NRIP1: variants seen among roughly 807,000 people sequenced by gnomAD.
NRIP1 encodes the protein nuclear receptor-interacting protein 1.
A neutral mutation model predicts 75.0 loss-of-function variants in NRIP1; 28 were observed. The observed-to-expected ratio is 0.37, with a 90% CI of 0.28 to 0.51. The LOEUF (loss-of-function observed/expected upper bound fraction) is 0.51. Among genes scored for constraint, NRIP1 ranks in the 20% least tolerant of loss-of-function variants. The probability of loss-of-function intolerance (pLI) is 0.92; values close to 1 mark genes in which losing one functional copy is unlikely to be tolerated. For synonymous variants in NRIP1, 526 were observed against 487.6 expected, an observed-to-expected ratio of 1.08 and a Z score of -1.04; for missense variants, 1,435 against 1,343.7, an observed-to-expected ratio of 1.07 and a Z score of -1.06.
Position 14,965,153 on chromosome 21 carries a change from A to T in NRIP1, c.3040T>A (p.Phe1014Ile). Residue 1014 changes from phenylalanine to isoleucine, a missense_variant, in exon 4 of 4, where the codon TTC becomes ATC. By Grantham distance (21) the Phe-to-Ile change is conservative. Transcript: ENST00000318948. ...CCTGCACAGCCCAAGTGCTCAGGGA[A>T]AGTAGGACTCACAGGAGTTTTTACT... ...GVVKTPVSPTFPEHLGCAGSR... is the reference protein window; with the variant it reads ...GVVKTPVSPTIPEHLGCAGSR... 6.2e-7 allele frequency: 1 copy of T among 1,613,136 alleles called. No individual in the cohort carries two copies. Among genetic ancestry groups the T allele is most frequent in the East Asian group, 2.2e-5 (1 of 44,868 alleles).
In NRIP1 at chr21:14,962,037, AT is replaced by A. The variant is rs2086605977; in HGVS notation, c.*2678del. ...ATATTATATATATATATATATATAT[AT>A]ATATAAAATATATACTCTCACCAGT... On this transcript the variant is annotated 3_prime_UTR_variant, in exon 4 of 4. Transcript: ENST00000318948. The A allele has an allele frequency of 4.8e-5, 7 of 145,422 alleles. No homozygotes were observed. Among genetic ancestry groups the A allele is most frequent in the East Asian group, 2.0e-4 (1 of 5,044 alleles). 9.0% of individuals were successfully genotyped at this position (145,422 alleles called of 1,614,324 possible).
chr21:15,006,980 A>G (rs2087988332), intron 3 of NRIP1, among the ~76,000 whole-genome samples: 1 of 152,204 alleles, frequency 6.6e-6, no homozygotes, highest in African/African-American at 2.4e-5. Flanking sequence ...AGTAAGGGCT[A>G]GCCAGGCAGA....
intron 3 of NRIP1, among the ~76,000 whole-genome samples, chr21:14,972,780 A>G (rs1310626108): frequency 6.6e-6 from 1 of 152,216 alleles, no homozygotes; most frequent in African/African-American, 2.4e-5. Context: ...ATCAGGCATT[A>G]GATTCTTATA....
chr21:14,980,329 G>T (rs538480328), intron 3 of NRIP1, among the ~76,000 whole-genome samples: 97 of 151,876 alleles, frequency 6.4e-4, no homozygotes, highest in African/African-American at 2.3e-3. Flanking sequence ...CAAAAATTAG[G>T]TGGACACAGT....
intron 3 of NRIP1, among the ~76,000 whole-genome samples, chr21:14,969,330 C>T (rs1233531855): frequency 6.6e-6 from 1 of 152,124 alleles, no homozygotes; most frequent in African/African-American, 2.4e-5. Flanking sequence ...AATGTCAGGT[C>T]CATTCCTTAC....
At chr21:15,030,849 GA>G (rs2088633772) in intron 2 of NRIP1, among the ~76,000 whole-genome samples, 3 of 148,116 alleles carry the variant, frequency 2.0e-5, no homozygotes, top group African/African-American at 7.3e-5. Flanking sequence ...GCGGTTGGAG[GA>G]TCACTACCTT....
intron 3 of NRIP1, among the ~76,000 whole-genome samples, chr21:14,980,020 G>A (rs2087187625): frequency 6.6e-6 from 1 of 151,866 alleles, no homozygotes; most frequent in Admixed American, 6.6e-5. Context: ...CAATGCCTTG[G>A]GTCACTTGTT....
chr21:15,026,138 C>T (rs970299892), intron 2 of NRIP1, among the ~76,000 whole-genome samples: 4 of 152,006 alleles, frequency 2.6e-5, no homozygotes, highest in Admixed American at 6.6e-5. Flanking sequence ...CTGTATTGTA[C>T]GTGTAACTTT....
intron 1 of NRIP1, among the ~76,000 whole-genome samples, chr21:15,047,457 G>A (rs376392141): frequency 2.6e-5 from 4 of 152,130 alleles, no homozygotes; most frequent in African/African-American, 9.7e-5. Flanking sequence ...GGAGAATGGC[G>A]TGAACCCAGG....
At chr21:15,009,858 A>G (rs2088061072) in intron 3 of NRIP1, among the ~76,000 whole-genome samples, 1 of 152,218 alleles carries the variant, frequency 6.6e-6, no homozygotes, top group Non-Finnish European at 1.5e-5. Context: ...CTTTTTAAAA[A>G]GACAATAAAA....
chr21:14,969,300 G>A (rs2086843107), intron 3 of NRIP1, among the ~76,000 whole-genome samples: 1 of 152,200 alleles, frequency 6.6e-6, no homozygotes, highest in South Asian at 2.1e-4. Flanking sequence ...CCTTACTCAT[G>A]TGCTCTATGG....
rs191486630 is a variant in NRIP1, at chr21:15,046,025, C to T, written c.-537-2451G>A. Among the ~76,000 whole-genome samples the T allele has an allele frequency of 4.6e-3, 563 of 123,126 alleles. 1 individual carries two copies. Among genetic ancestry groups the T allele is most frequent in the Admixed American group, 6.8e-3 (83 of 12,244 alleles). 80.8% of individuals were successfully genotyped at this position (123,126 alleles called of 152,430 possible). On this transcript the variant is annotated intron_variant, in intron 1 of 3. Transcript: ENST00000318948. ...ACTTCCTCCACTGATGTCTTCAACC[C>T]GCCAAAGTTATCCATAAGGGGTGGA...
rs1026382906 is a variant in NRIP1, at chr21:14,963,929, C to A, written c.*787G>T. The A allele has an allele frequency of 6.6e-6, 1 of 152,488 alleles. No individual in the cohort carries two copies. Among genetic ancestry groups the A allele is most frequent in the African/African-American group, 2.4e-5 (1 of 41,402 alleles). 9.4% of individuals were successfully genotyped at this position (152,488 alleles called of 1,614,324 possible). On this transcript the variant is annotated 3_prime_UTR_variant, in exon 4 of 4. Coordinates refer to ENST00000318948, the MANE Select transcript of NRIP1 (RefSeq NM_003489.4). The stretch of plus-strand genomic sequence containing the variant: ...CTTAAATATTCAACTTTTCAGGAAA[C>A]CACCTAAAGATAAATGTTAACTTTT...
At chr21:15,000,036 G>A (rs888906642) in intron 3 of NRIP1, among the ~76,000 whole-genome samples, 1 of 152,174 alleles carries the variant, frequency 6.6e-6, no homozygotes, top group Non-Finnish European at 1.5e-5. Flanking sequence ...CAACAACACA[G>A]TAGATCTGCA....
At chr21:15,063,154 C>A (rs1978474254) in intron 1 of NRIP1, among the ~76,000 whole-genome samples, 1 of 152,158 alleles carries the variant, frequency 6.6e-6, no homozygotes, top group South Asian at 2.1e-4. Flanking sequence ...ACCTGCAGGG[C>A]AGTAGCCGCT....
At chr21:15,008,075 T>C (rs2088015228) in intron 3 of NRIP1, among the ~76,000 whole-genome samples, 1 of 152,144 alleles carries the variant, frequency 6.6e-6, no homozygotes, top group East Asian at 1.9e-4. Context: ...TTGAAGAGCG[T>C]CGTCAGATAC....
chr21:15,021,988 C>A (rs1028224645), intron 2 of NRIP1, among the ~76,000 whole-genome samples: 2 of 152,130 alleles, frequency 1.3e-5, no homozygotes, highest in Non-Finnish European at 2.9e-5. Flanking sequence ...CGTGGCAAGT[C>A]CTCAAAGACC....
At chr21:14,984,382 T>TC (rs1215393260) in intron 3 of NRIP1, among the ~76,000 whole-genome samples, 1 of 150,264 alleles carries the variant, frequency 6.7e-6, no homozygotes, top group Non-Finnish European at 1.5e-5. Flanking sequence ...TTTTTTTTTT[T>TC]CAACTCCTGA....
Position 14,967,996 on chromosome 21 carries a change from G to C in NRIP1, c.197C>G (p.Pro66Arg). 1.9e-6 allele frequency: 3 copies of C among 1,613,972 alleles called. No individual in the cohort carries two copies. Among genetic ancestry groups the C allele is most frequent in the Non-Finnish European group, 2.5e-6 (3 of 1,179,988 alleles). Reference sequence around the variant, plus strand: ...CTGATATGTATGTGTATTGAGAACTGGACCATTACTTTGACAGGTGGGAAA... The same window carrying C: ...CTGATATGTATGTGTATTGAGAACTCGACCATTACTTTGACAGGTGGGAAA... ...SAFPTCQSNGPVLNTHTYQGS... is the reference protein window; with the variant it reads ...SAFPTCQSNGRVLNTHTYQGS... The change falls in exon 4 of 4, where the codon CCA becomes CGA. Residue 66 changes from proline to arginine, a missense_variant. Physicochemically the swap from Pro to Arg is moderately radical, Grantham distance 103. Transcript: ENST00000318948.
Sources: allele counts gnomAD v4.1 joint callset (sites outside exome capture counted in the v4.1 genomes callset), GRCh38; gene constraint gnomAD v4.1.1; transcripts MANE v1.5; gene names NCBI Gene and HGNC (gene_info 2026-07-23, HGNC 2026-07-21).